Variants in SS18 observed in about 807,000 individuals in gnomAD.
SS18 encodes the protein SS18 subunit of BAF chromatin remodeling complex, also known as protein SSXT.
Under a neutral mutation model 72.5 loss-of-function variants are expected in SS18, and 28 were observed. The ratio of observed to expected loss-of-function variants is 0.39; its 90% CI spans 0.29 to 0.53. The LOEUF is 0.53. Ranked by LOEUF, SS18 falls within the 20% of genes least tolerant of loss-of-function variation. The pLI, the probability that SS18 is intolerant of heterozygous loss-of-function variation, is 0.76. For synonymous variants in SS18, 172 were observed against 164.2 expected (o/e 1.05, Z -0.37); for missense variants, 518 against 535.3 (o/e 0.97, Z 0.32).
intron 10 of SS18, among the ~76,000 whole-genome samples, chr18:26,030,513 C>G (rs1244162949): frequency 6.6e-6 from 1 of 152,184 alleles, no homozygotes; most frequent in East Asian, 1.9e-4. Context: ...GAGTCCACGT[C>G]TATCTTATTT....
intron 10 of SS18, among the ~76,000 whole-genome samples, chr18:26,026,147 G>A (rs2053442403): frequency 6.6e-6 from 1 of 152,176 alleles, no homozygotes; most frequent in Non-Finnish European, 1.5e-5. Context: ...GGGACTACAG[G>A]CATATGCCAC....
At chr18:26,090,317 C>G (rs1489356588) in intron 1 of SS18, among the ~76,000 whole-genome samples, 184 bp downstream of exon 1, 5 of 152,218 alleles carry the variant, frequency 3.3e-5, no homozygotes, top group African/African-American at 1.2e-4. Flanking sequence ...CCGAGAAAAA[C>G]CGGTTCACCC....
chr18:26,071,307 A>G (rs941555450), intron 3 of SS18, among the ~76,000 whole-genome samples: 3 of 152,200 alleles, frequency 2.0e-5, no homozygotes, highest in African/African-American at 7.2e-5. Context: ...AGAAAAAATA[A>G]ATTTAAGAAA....
chr18:26,065,676 T>C (rs1279606499), intron 3 of SS18, among the ~76,000 whole-genome samples: 1 of 151,228 alleles, frequency 6.6e-6, no homozygotes, highest in Non-Finnish European at 1.5e-5. Context: ...TCATTTAAAT[T>C]AGAAACTGTT....
rs1276906953 is a variant in SS18, at chr18:26,017,496, A to AT, written c.*857dup. 5.1e-6 allele frequency: 1 copy of AT among 195,662 alleles called. No individual in the cohort carries two copies. Among genetic ancestry groups the AT allele is most frequent in the Non-Finnish European group, 1.1e-5 (1 of 93,882 alleles). 12.1% of individuals were successfully genotyped at this position (195,662 alleles called of 1,614,324 possible). On this transcript the variant is annotated 3_prime_UTR_variant, in exon 11 of 11. Coordinates refer to ENST00000415083, the MANE Select transcript of SS18 (RefSeq NM_001007559.3). ...CAAACAAGGTAAAATTAACACTTTCATTTTCAGTTATTGCTATTTTAGAAG... is the reference window on the plus strand; with the variant it reads ...CAAACAAGGTAAAATTAACACTTTCATTTTTCAGTTATTGCTATTTTAGAAG...
intron 9 of SS18, among the ~76,000 whole-genome samples, chr18:26,033,166 C>T (rs2053572286): frequency 6.6e-6 from 1 of 152,062 alleles, no homozygotes; most frequent in African/African-American, 2.4e-5. Context: ...TTACAAATTC[C>T]AGAGATGGCA....
At chr18:26,074,768 G>A (rs1330075417) in intron 3 of SS18, among the ~76,000 whole-genome samples, 1 of 151,738 alleles carries the variant, frequency 6.6e-6, no homozygotes, top group East Asian at 1.9e-4. Flanking sequence ...CAAAAGGTTT[G>A]AAAAATGCTG....
chr18:26,025,722 C>T (rs531467284), intron 10 of SS18, among the ~76,000 whole-genome samples: 4 of 152,074 alleles, frequency 2.6e-5, no homozygotes, highest in Admixed American at 6.5e-5. Flanking sequence ...AAACTACAAA[C>T]CCAGATGGCT....
intron 9 of SS18, among the ~76,000 whole-genome samples, chr18:26,033,587 A>G (rs1057099429): frequency 6.6e-6 from 1 of 152,082 alleles, no homozygotes; most frequent in Non-Finnish European, 1.5e-5. Context: ...AAAACCTGCC[A>G]TAAAAACACT....
rs920368882 is a variant in SS18 at position 26,035,706 on chromosome 18, T to C, written c.973+125A>G. The C allele has an allele frequency of 7.1e-5, 37 of 518,986 alleles. No individual in the cohort carries two copies. Among genetic ancestry groups the C allele is most frequent in the Non-Finnish European group, 1.1e-4 (34 of 311,382 alleles). 32.1% of individuals were successfully genotyped at this position (518,986 alleles called of 1,614,324 possible). On this transcript the variant is annotated intron_variant, in intron 8 of 10. Transcript: ENST00000415083. The surrounding 1 kb of genome is among the most constrained non-coding windows in gnomAD (Gnocchi z 4.4). Reference sequence around the variant, plus strand: ...TTGATTGTTTTGGGCTCCCTGCAACTTTCAAGAAAGCCAGCAACTAGTATT... The same window carrying C: ...TTGATTGTTTTGGGCTCCCTGCAACCTTCAAGAAAGCCAGCAACTAGTATT...
intron 5 of SS18, among the ~76,000 whole-genome samples, chr18:26,042,716 C>A (rs897544013): frequency 1.3e-5 from 2 of 151,798 alleles, no homozygotes; most frequent in Admixed American, 1.3e-4. Context: ...TACAACACCC[C>A]AGGCTAGGAG....
intron 3 of SS18, among the ~76,000 whole-genome samples, chr18:26,062,727 T>C (rs1308962381): frequency 6.6e-6 from 1 of 152,164 alleles, no homozygotes. Context: ...TAATTAAAAG[T>C]ATGATGATGT....
At chr18:26,060,819 A>C (rs2054109700) in intron 3 of SS18, among the ~76,000 whole-genome samples, 3 of 136,560 alleles carry the variant, frequency 2.2e-5, no homozygotes, top group Admixed American at 7.7e-5. Flanking sequence ...AGCCAGGCGC[A>C]GTGGCACGTG....
At chr18:26,070,567 G>C (rs2054294312) in intron 3 of SS18, among the ~76,000 whole-genome samples, 1 of 152,180 alleles carries the variant, frequency 6.6e-6, no homozygotes, top group Admixed American at 6.5e-5. Flanking sequence ...GAAGTAAAAT[G>C]CCTAAGTGTT....
At chr18:26,026,532 A>G (rs1275807549) in intron 10 of SS18, among the ~76,000 whole-genome samples, 1 of 152,166 alleles carries the variant, frequency 6.6e-6, no homozygotes, top group African/African-American at 2.4e-5. Context: ...AACATCTTAT[A>G]TAAGGATGAA....
chr18:26,073,000 A>G (rs186935359), intron 3 of SS18, among the ~76,000 whole-genome samples: 58 of 152,226 alleles, frequency 3.8e-4, no homozygotes, highest in African/African-American at 1.3e-3. Flanking sequence ...CTAACCTAAT[A>G]GACATATATA....
intron 3 of SS18, among the ~76,000 whole-genome samples, chr18:26,077,014 C>A (rs751796587): frequency 5.9e-5 from 9 of 151,816 alleles, no homozygotes; most frequent in African/African-American, 2.2e-4. Flanking sequence ...GGAAGTTTAT[C>A]TTTTTAAAAT....
intron 10 of SS18, among the ~76,000 whole-genome samples, chr18:26,021,186 C>T (rs1301142571): frequency 2.0e-5 from 3 of 152,164 alleles, no homozygotes; most frequent in Admixed American, 6.5e-5. Context: ...ATTAAAAGTA[C>T]GGCTTTTGGA....
At chr18:26,063,041 G>A (rs979752254) in intron 3 of SS18, among the ~76,000 whole-genome samples, 2 of 152,168 alleles carry the variant, frequency 1.3e-5, no homozygotes, top group African/African-American at 2.4e-5. Context: ...TGTATTTACA[G>A]AATCCAATAA....
Sources: gnomAD v4.1 joint callset for allele counts (sites outside exome capture counted in the v4.1 genomes callset) on GRCh38, gnomAD v4.1.1 for gene constraint, Gnocchi (gnomAD v3.1) non-coding constraint, MANE v1.5 for transcripts, NCBI Gene and HGNC (gene_info 2026-07-23, HGNC 2026-07-21) for gene names.